The following SEMA3A variants were observed in gnomAD, a reference collection of about 807,000 sequenced individuals.
SEMA3A encodes semaphorin 3A, also known as semaphorin-3A.
Under a neutral mutation model 97.9 loss-of-function variants are expected in SEMA3A, and 29 were observed. That is an observed-to-expected ratio of 0.30 (90% confidence interval 0.22 to 0.40). The LOEUF (loss-of-function observed/expected upper bound fraction) is 0.40, where lower values mean the gene tolerates loss of function less well. SEMA3A is among the 10% of genes least tolerant of loss of function. The pLI is 1.00. For synonymous variants in SEMA3A, 321 were observed against 323.7 expected, an observed-to-expected ratio of 0.99 and a Z score of 0.09; for missense variants, 763 against 951.3, an observed-to-expected ratio of 0.80 and a Z score of 2.60.
chr7:84,309,775 T>C (rs2115858402), intron 2 of SEMA3A, among the ~76,000 whole-genome samples: 1 of 152,282 alleles, frequency 6.6e-6, no homozygotes, highest in Middle Eastern at 3.4e-3. Context: ...ATGCTAATAT[T>C]TTGATGAAGT....
chr7:84,063,040 C>T (rs2115701713), intron 4 of SEMA3A, among the ~76,000 whole-genome samples: 1 of 152,022 alleles, frequency 6.6e-6, no homozygotes, highest in Non-Finnish European at 1.5e-5. Context: ...TTGAAGAGAG[C>T]AGTGGTTCTC....
intron 1 of SEMA3A, among the ~76,000 whole-genome samples, chr7:84,171,405 C>G (rs912756260): frequency 2.0e-5 from 3 of 152,076 alleles, no homozygotes; most frequent in African/African-American, 7.2e-5. Flanking sequence ...GGACTTACAA[C>G]ACTTAGAAAT....
rs1357495854 is a variant in SEMA3A at position 84,312,874 on chromosome 7, A to T, written c.-168-5582T>A. On this transcript the variant is annotated intron_variant, in intron 2 of 3. Transcript: ENST00000424555. ...TCAGAGGATATTTTGGTGTTGTTTT[A>T]TATATATATATATATATATATATAT... Among the ~76,000 whole-genome samples, 9 of 14,260 alleles carry T rather than the reference A, an allele frequency of 6.3e-4. 1 individual carries two copies. The highest frequency in any genetic ancestry group is 3.1e-3 in the South Asian group (1 of 318). 9.4% of individuals were successfully genotyped at this position (14,260 alleles called of 152,430 possible).
At chr7:84,466,020 A>G (rs1459556358) in intron 1 of SEMA3A, among the ~76,000 whole-genome samples, 1 of 152,102 alleles carries the variant, frequency 6.6e-6, no homozygotes, top group Non-Finnish European at 1.5e-5. Context: ...GGTATTCATC[A>G]CTCACTCCAT....
chr7:84,419,215 A>C (rs1804520999), intron 1 of SEMA3A, among the ~76,000 whole-genome samples: 1 of 152,140 alleles, frequency 6.6e-6, no homozygotes, highest in Admixed American at 6.6e-5. Flanking sequence ...GATGTAGTCT[A>C]TATCCCTAAG....
intron 12 of SEMA3A, among the ~76,000 whole-genome samples, chr7:83,992,284 C>A (rs866964614): frequency 0.068 from 9,651 of 141,450 alleles, 447 homozygotes; most frequent in African/African-American, 0.14. Context: ...TGGATTCATT[C>A]ATTTTTTGAA....
chr7:84,373,319 G>A (rs887014035), intron 1 of SEMA3A, among the ~76,000 whole-genome samples: 2 of 152,150 alleles, frequency 1.3e-5, no homozygotes, highest in African/African-American at 2.4e-5. Flanking sequence ...AATAAGCACA[G>A]AAATCAGTCA....
At chr7:84,378,890 C>G (rs933849193) in intron 1 of SEMA3A, among the ~76,000 whole-genome samples, 2 of 149,874 alleles carry the variant, frequency 1.3e-5, no homozygotes, top group African/African-American at 4.9e-5. Flanking sequence ...CTCTCTCTCT[C>G]TCTCCATATA....
chr7:84,048,693 T>TAAAAAAAAA (rs1289494642), intron 5 of SEMA3A, among the ~76,000 whole-genome samples: 8 of 152,030 alleles, frequency 5.3e-5, no homozygotes, highest in African/African-American at 1.9e-4. Context: ...TAGAATAATT[T>TAAAAAAAAA]AAAAAATGAA....
chr7:84,002,219 A>G (rs1004361773), intron 11 of SEMA3A, among the ~76,000 whole-genome samples, 173 bp from the exon 12 acceptor site: 2 of 152,234 alleles, frequency 1.3e-5, no homozygotes, highest in Admixed American at 6.5e-5. Flanking sequence ...ATTTCATGCA[A>G]TTAGACAAAG....
At chr7:84,084,236 A>G (rs1794255976) in intron 4 of SEMA3A, among the ~76,000 whole-genome samples, 1 of 152,050 alleles carries the variant, frequency 6.6e-6, no homozygotes, top group African/African-American at 2.4e-5. Context: ...TTATTTTCCT[A>G]ATAATGCTTT....
chr7:84,299,294 C>A (rs1800944518), intron 3 of SEMA3A, among the ~76,000 whole-genome samples: 1 of 106,128 alleles, frequency 9.4e-6, no homozygotes, highest in Admixed American at 9.4e-5. Flanking sequence ...ATATCTATCT[C>A]CATATATATA....
intron 1 of SEMA3A, among the ~76,000 whole-genome samples, chr7:84,158,432 G>C: frequency 6.6e-6 from 1 of 152,130 alleles, no homozygotes; most frequent in East Asian, 1.9e-4. Context: ...GATTATAGGC[G>C]TGAGCCACCA....
chr7:83,982,131 T>C (rs1789438512), intron 13 of SEMA3A, among the ~76,000 whole-genome samples: 1 of 152,126 alleles, frequency 6.6e-6, no homozygotes, highest in African/African-American at 2.4e-5. Context: ...AGCTGAAGTG[T>C]TGTGGAAAAA....
chr7:84,182,046 T>C (rs1168409038), intron 1 of SEMA3A, among the ~76,000 whole-genome samples: 2 of 152,156 alleles, frequency 1.3e-5, no homozygotes, highest in Non-Finnish European at 2.9e-5. Flanking sequence ...TCCAAGTGTC[T>C]TCTGTTAGAC....
intron 1 of SEMA3A, among the ~76,000 whole-genome samples, chr7:84,162,010 A>G (rs1797051424): frequency 6.6e-6 from 1 of 152,214 alleles, no homozygotes; most frequent in Non-Finnish European, 1.5e-5. Context: ...TCTTAAGTAT[A>G]CAATATTTAA....
intron 15 of SEMA3A, among the ~76,000 whole-genome samples, chr7:83,972,512 A>C (rs1562947724): frequency 6.6e-6 from 1 of 152,102 alleles, no homozygotes; most frequent in Non-Finnish European, 1.5e-5. Context: ...AGGAATGTTT[A>C]CTTTAAAAAA....
intron 2 of SEMA3A, among the ~76,000 whole-genome samples, chr7:84,311,253 T>A (rs539222537): frequency 2.6e-5 from 4 of 152,066 alleles, no homozygotes; most frequent in Non-Finnish European, 5.9e-5. Flanking sequence ...GTTGCTTCCA[T>A]ATCCTCAGTG....
intron 2 of SEMA3A, among the ~76,000 whole-genome samples, chr7:84,313,342 GTA>G (rs1214050244): frequency 0.029 from 1,771 of 60,808 alleles, 88 homozygotes; most frequent in African/African-American, 0.12. Context: ...ATATATATAT[GTA>G]TATGTGTGTG....
Sources: allele counts gnomAD v4.1 joint callset (sites outside exome capture counted in the v4.1 genomes callset), GRCh38; gene constraint gnomAD v4.1.1; transcripts MANE v1.5; gene names NCBI Gene and HGNC (gene_info 2026-07-23, HGNC 2026-07-21).